The following SDR42E1 variants were observed in gnomAD, a reference collection of about 807,000 sequenced individuals.
The protein encoded by SDR42E1 is short chain dehydrogenase/reductase family 42E, member 1.
A neutral mutation model predicts 2.6 loss-of-function variants in SDR42E1; 5 were observed. That is an observed-to-expected ratio of 1.94 (90% CI 1.01 to 4.08). The LOEUF is 4.08. SDR42E1 is among the 30% of genes most tolerant of loss of function. The pLI is 0.00. For missense variants in SDR42E1, 596 were observed against 478.6 expected, an observed-to-expected ratio of 1.25 and a Z score of -2.29; for synonymous variants, 231 against 188.3, an observed-to-expected ratio of 1.23 and a Z score of -1.86.
rs1273221164 is a variant in SDR42E1 at position 81,988,880 on chromosome 16, T to C, written c.*10231A>G. 1 of 152,220 alleles carries C rather than the reference T, an allele frequency of 6.6e-6. No homozygotes were observed. The highest frequency in any genetic ancestry group is 1.5e-5 in the Non-Finnish European group (1 of 68,038). 9.4% of individuals were successfully genotyped at this position (152,220 alleles called of 1,614,324 possible). A position where few individuals can be genotyped will look rare whatever the true frequency, so the allele number is the denominator to read the frequency against. ...TTTTCTTTAGGTAATTTTTTATTAA[T>C]ATTTCAATGTTGGTAGAATACTGCT... On this transcript the variant is annotated 3_prime_UTR_variant, in exon 3 of 3. Transcript: ENST00000328945.
At position 82,000,231 on chromosome 16, in the gene SDR42E1, T is replaced by G; in HGVS notation, c.69-7A>C. The G allele has an allele frequency of 6.2e-7, 1 of 1,602,254 alleles. No homozygotes were observed. Among genetic ancestry groups the G allele is most frequent in the South Asian group, 1.1e-5 (1 of 91,046 alleles). On this transcript the variant is annotated splice_polypyrimidine_tract_variant and splice_region_variant and intron_variant, in intron 2 of 2. Coordinates refer to ENST00000328945, the MANE Select transcript of SDR42E1 (RefSeq NM_145168.3). ...GTTCAGGGCACAGCCCAGGCTGAAATAAGAAACAGTAAACGTTGAATCAAG... is the reference window on the plus strand; with the variant it reads ...GTTCAGGGCACAGCCCAGGCTGAAAGAAGAAACAGTAAACGTTGAATCAAG...
rs137883401 is a variant in SDR42E1 at position 82,010,254 on chromosome 16, C to T, written c.-27+1133G>A. On this transcript the variant is annotated intron_variant, in intron 1 of 2. Transcript: ENST00000328945. ...CCGAAGTTGTTACTAGTATTATCAT[C>T]AGCTTTCAGAAATGAGGAAAATAGA... Among the ~76,000 whole-genome samples, 729 of 152,312 alleles carry T rather than the reference C, an allele frequency of 4.8e-3. 7 individuals are homozygous for T. Among genetic ancestry groups the T allele is most frequent in the African/African-American group, 0.017 (694 of 41,572 alleles).
At chr16:82,007,719 T>A (rs1263474248) in intron 1 of SDR42E1, 1 of 152,198 alleles carries the variant, frequency 6.6e-6, no homozygotes, top group South Asian at 2.1e-4. Context: ...AGAAAATGAA[T>A]TGGAGGTGGC....
rs1912478472 is a variant in SDR42E1 at position 81,993,684 on chromosome 16, T to G, written c.*5427A>C. ...CTGGCTGATAAGTGCATTCACCCCG[T>G]CAACAAGCATTTATTGGGCATATGA... is the stretch of plus-strand genomic sequence containing the variant. On this transcript the variant is annotated 3_prime_UTR_variant, in exon 3 of 3. Transcript: ENST00000328945. 1 of 152,152 alleles carries G rather than the reference T, an allele frequency of 6.6e-6. No homozygotes were observed. The allele number at this position is 152,152 out of a possible 1,614,324, so 9.4% of individuals were successfully genotyped here.
chr16:82,011,456 C>T lies in SDR42E1; in HGVS notation c.-96G>A, dbSNP rs1204099893. The T allele has an allele frequency of 6.6e-6, 1 of 152,418 alleles. No homozygotes were observed. The highest frequency in any genetic ancestry group is 2.4e-5 in the African/African-American group (1 of 41,456). The allele number at this position is 152,418 out of a possible 1,614,324, so 9.4% of individuals were successfully genotyped here. On this transcript the variant is annotated 5_prime_UTR_variant, in exon 1 of 3. Coordinates refer to ENST00000328945, the MANE Select transcript of SDR42E1 (RefSeq NM_145168.3). ...AGGCCCAGGCCTCCTAGCTACCCATCACCACAGCTGGGGCGCCGAAGCCGT... is the reference window on the plus strand; with the variant it reads ...AGGCCCAGGCCTCCTAGCTACCCATTACCACAGCTGGGGCGCCGAAGCCGT...
rs1260888056 is a variant in SDR42E1, at chr16:81,993,377, A to G, written c.*5734T>C. The G allele has an allele frequency of 6.6e-6, 1 of 152,202 alleles. No individual in the cohort carries two copies. Among genetic ancestry groups the G allele is most frequent in the African/African-American group, 2.4e-5 (1 of 41,450 alleles). 9.4% of individuals were successfully genotyped at this position (152,202 alleles called of 1,614,324 possible). A position where few individuals can be genotyped will look rare whatever the true frequency, so the allele number is the denominator to read the frequency against. On this transcript the variant is annotated 3_prime_UTR_variant, in exon 3 of 3. Coordinates refer to ENST00000328945, the MANE Select transcript of SDR42E1 (RefSeq NM_145168.3). ...AACACAGACTTTCTCAATCAGAAGC[A>G]TCAGGGAAGAGTCTGGAGTCTGTAT... is the stretch of plus-strand genomic sequence containing the variant.
Position 81,995,071 on chromosome 16 carries a change from G to C in SDR42E1, c.*4040C>G, listed in dbSNP as rs7190253. On this transcript the variant is annotated 3_prime_UTR_variant, in exon 3 of 3. Coordinates refer to ENST00000328945, the MANE Select transcript of SDR42E1 (RefSeq NM_145168.3). ...GTATTTCCAACAGGCTTTCCAGACC[G>C]CTCTTCCCTTTTTGCAGGTGGGAGC... 23,570 of 152,062 alleles carry C rather than the reference G, an allele frequency of 0.16. 6,032 individuals carry two copies. Among genetic ancestry groups the C allele is most frequent in the African/African-American group, 0.54 (22,155 of 41,366 alleles). The allele number at this position is 152,062 out of a possible 1,614,324, so 9.4% of individuals were successfully genotyped here.
chr16:81,998,910 T>A lies in SDR42E1; in HGVS notation c.*201A>T, dbSNP rs988701652. 3.3e-6 allele frequency: 2 copies of A among 614,644 alleles called. No homozygotes were observed. Among genetic ancestry groups the A allele is most frequent in the African/African-American group, 3.7e-5 (2 of 54,134 alleles). 38.1% of individuals were successfully genotyped at this position (614,644 alleles called of 1,614,324 possible). A position where few individuals can be genotyped will look rare whatever the true frequency, so the allele number is the denominator to read the frequency against. The stretch of plus-strand genomic sequence containing the variant: ...GCACATAACAAATCAAATTTCAAAC[T>A]AATCTCTGCTTCTGCTTTTTCATTC... On this transcript the variant is annotated 3_prime_UTR_variant, in exon 3 of 3. Coordinates refer to ENST00000328945, the MANE Select transcript of SDR42E1 (RefSeq NM_145168.3).
rs753482682 is a variant in SDR42E1 at position 81,988,975 on chromosome 16, A to G, written c.*10136T>C. On this transcript the variant is annotated 3_prime_UTR_variant, in exon 3 of 3. Transcript: ENST00000328945. ...CAAAATGAGATTTTTTCCCCTCAAA[A>G]TCAGTTCACAATAACTTCTAATACA... 5.9e-5 allele frequency: 9 copies of G among 152,200 alleles called. No homozygotes were observed. The highest frequency in any genetic ancestry group is 1.0e-4 in the Non-Finnish European group (7 of 68,030). 9.4% of individuals were successfully genotyped at this position (152,200 alleles called of 1,614,324 possible).
Position 81,996,812 on chromosome 16 carries a change from C to A in SDR42E1, c.*2299G>T, listed in dbSNP as rs771549574. The A allele has an allele frequency of 6.6e-6, 1 of 152,170 alleles. No individual in the cohort carries two copies. Among genetic ancestry groups the A allele is most frequent in the African/African-American group, 2.4e-5 (1 of 41,428 alleles). 9.4% of individuals were successfully genotyped at this position (152,170 alleles called of 1,614,324 possible). On this transcript the variant is annotated 3_prime_UTR_variant, in exon 3 of 3. Transcript: ENST00000328945. ...GCAGGAATGTGGTAGCCAGGTTCCA[C>A]GTTGGCCTCCAATGACACCACCTCC...
chr16:82,005,206 T>A (rs1473758134), intron 1 of SDR42E1, among the ~76,000 whole-genome samples: 1 of 152,150 alleles, frequency 6.6e-6, no homozygotes, highest in African/African-American at 2.4e-5. Flanking sequence ...ATTAATCAAG[T>A]AAGGAACATA....
Position 81,999,346 on chromosome 16 carries a change from A to C in SDR42E1, c.947T>G (p.Val316Gly). 1 of 1,614,206 alleles carries C rather than the reference A, an allele frequency of 6.2e-7. No homozygotes were observed. Among genetic ancestry groups the C allele is most frequent in the South Asian group, 1.1e-5 (1 of 91,080 alleles). Reference sequence around the variant, plus strand: ...ATAATGTGTGACACCAGTTTTGTAAACTTCAGTGCGAGTGAGGAAGGGCTG... The same window carrying C: ...ATAATGTGTGACACCAGTTTTGTAACCTTCAGTGCGAGTGAGGAAGGGCTG... ...NFQPFLTRTE[V>G]YKTGVTHYFS... The change falls in exon 3 of 3, where the codon GTT becomes GGT. Residue 316 changes from valine to glycine, a missense_variant. Val to Gly is a moderately radical substitution (Grantham distance 109). Coordinates refer to ENST00000328945, the MANE Select transcript of SDR42E1 (RefSeq NM_145168.3).
intron 1 of SDR42E1, among the ~76,000 whole-genome samples, chr16:82,008,636 C>G (rs555065008): frequency 2.0e-5 from 3 of 152,260 alleles, no homozygotes; most frequent in East Asian, 3.9e-4. Context: ...TTTAGGGTAT[C>G]TGGGGTAAGA....
rs1390235697 is a variant in SDR42E1 at position 81,995,434 on chromosome 16, C to CTAAG, written c.*3673_*3676dup. ...GGGGAGCTCCCTTTCAGGAAATAGA[C>CTAAG]TAAGTCTTTTAAAGTGGTGAGTTTT... On this transcript the variant is annotated 3_prime_UTR_variant, in exon 3 of 3. Coordinates refer to ENST00000328945, the MANE Select transcript of SDR42E1 (RefSeq NM_145168.3). 2.0e-5 allele frequency: 3 copies of CTAAG among 152,306 alleles called. No individual in the cohort carries two copies. The highest frequency in any genetic ancestry group is 1.3e-4 in the Admixed American group (2 of 15,294). 9.4% of individuals were successfully genotyped at this position (152,306 alleles called of 1,614,324 possible).
rs1912401677 is a variant in SDR42E1 at position 81,990,456 on chromosome 16, T to G, written c.*8655A>C. ...CTAATTAGTTACTGAACATTCCATT[T>G]GAACGTCTCAAACTCCACTAGCATG... On this transcript the variant is annotated 3_prime_UTR_variant, in exon 3 of 3. Transcript: ENST00000328945. 6.6e-6 allele frequency: 1 copy of G among 152,240 alleles called. No individual in the cohort carries two copies. The highest frequency in any genetic ancestry group is 2.4e-5 in the African/African-American group (1 of 41,472). The allele number at this position is 152,240 out of a possible 1,614,324, so 9.4% of individuals were successfully genotyped here.
At position 81,995,297 on chromosome 16, in the gene SDR42E1, G is replaced by T. The variant is rs994322775; in HGVS notation, c.*3814C>A. 1.3e-5 allele frequency: 2 copies of T among 152,394 alleles called. No individual in the cohort carries two copies. Among genetic ancestry groups the T allele is most frequent in the East Asian group, 3.9e-4 (2 of 5,178 alleles). 9.4% of individuals were successfully genotyped at this position (152,394 alleles called of 1,614,324 possible). On this transcript the variant is annotated 3_prime_UTR_variant, in exon 3 of 3. Coordinates refer to ENST00000328945, the MANE Select transcript of SDR42E1 (RefSeq NM_145168.3). ...GCACAAGTGTGAGCATAATTTTATT[G>T]TTAGGCAGGGTTGAGTGATTCAATC...
In SDR42E1 at chr16:81,989,205, C is replaced by G. The variant is rs974458637; in HGVS notation, c.*9906G>C. On this transcript the variant is annotated 3_prime_UTR_variant, in exon 3 of 3. Transcript: ENST00000328945. ...TCATCTTTATATACCCGGTGACCTC[C>G]TATGTCAGCAAATAAAGAATATATA... is the stretch of plus-strand genomic sequence containing the variant. 6.6e-6 allele frequency: 1 copy of G among 152,106 alleles called. No homozygotes were observed. The highest frequency in any genetic ancestry group is 2.4e-5 in the African/African-American group (1 of 41,414). The allele number at this position is 152,106 out of a possible 1,614,324, so 9.4% of individuals were successfully genotyped here.
At chr16:82,001,120 T>C (rs1045933740) in intron 1 of SDR42E1, among the ~76,000 whole-genome samples, 1 of 152,186 alleles carries the variant, frequency 6.6e-6, no homozygotes, top group Admixed American at 6.5e-5. Context: ...AAGGTTAATG[T>C]GGAGGTTAAA....
At position 81,990,430 on chromosome 16, in the gene SDR42E1, G is replaced by A. The variant is rs1912400873; in HGVS notation, c.*8681C>T. 2 of 152,098 alleles carry A rather than the reference G, an allele frequency of 1.3e-5. No homozygotes were observed. The highest frequency in any genetic ancestry group is 1.3e-4 in the Admixed American group (2 of 15,264). 9.4% of individuals were successfully genotyped at this position (152,098 alleles called of 1,614,324 possible). A position where few individuals can be genotyped will look rare whatever the true frequency, so the allele number is the denominator to read the frequency against. On this transcript the variant is annotated 3_prime_UTR_variant, in exon 3 of 3. Coordinates refer to ENST00000328945, the MANE Select transcript of SDR42E1 (RefSeq NM_145168.3). ...TTTTTTCAAACTACAGTCTTATGTTGCTAATTAGTTACTGAACATTCCATT... is the reference window on the plus strand; with the variant it reads ...TTTTTTCAAACTACAGTCTTATGTTACTAATTAGTTACTGAACATTCCATT...
Sources: allele counts gnomAD v4.1 joint callset (sites outside exome capture counted in the v4.1 genomes callset), GRCh38; gene constraint gnomAD v4.1.1; transcripts MANE v1.5; gene names NCBI Gene and HGNC (gene_info 2026-07-23, HGNC 2026-07-21).